Variants in ARHGAP28 observed in about 807,000 individuals in gnomAD.
The protein encoded by ARHGAP28 is Rho GTPase activating protein 28, also known as rho GTPase-activating protein 28.
A neutral mutation model predicts 90.7 loss-of-function variants in ARHGAP28; 56 were observed. That is an observed-to-expected ratio of 0.62 (90% CI 0.50 to 0.77). The LOEUF is 0.77. ARHGAP28 is among the 30% of genes least tolerant of loss of function. The pLI, the probability that ARHGAP28 is intolerant of heterozygous loss-of-function variation, is 0.00. For missense variants in ARHGAP28, 869 were observed against 900.9 expected (o/e 0.96, Z 0.45); for synonymous variants, 308 against 323.3 (o/e 0.95, Z 0.51).
chr18:6,790,733 A>G (rs1431382), intron 1 of ARHGAP28: 38,830 of 152,008 alleles, frequency 0.26, 6,755 homozygotes, highest in African/African-American at 0.49. Flanking sequence ...CAGAGGGGTA[A>G]AGGATGAAAC....
intron 1 of ARHGAP28, among the ~76,000 whole-genome samples, chr18:6,783,947 C>G (rs1451326732): frequency 6.6e-6 from 1 of 152,234 alleles, no homozygotes; most frequent in Non-Finnish European, 1.5e-5. Context: ...GGCTTCCCGT[C>G]TAGGGCTGGT....
At chr18:6,875,610 A>T (rs985159031) in intron 9 of ARHGAP28, among the ~76,000 whole-genome samples, 3 of 152,214 alleles carry the variant, frequency 2.0e-5, no homozygotes, top group Non-Finnish European at 4.4e-5. Context: ...CACATAATCA[A>T]TGCACAATAA....
chr18:6,801,623 G>A (rs1407106876), intron 1 of ARHGAP28, among the ~76,000 whole-genome samples: 2 of 151,650 alleles, frequency 1.3e-5, no homozygotes, highest in East Asian at 3.9e-4. Context: ...TTTTTAATGT[G>A]ACTTTTAAAA....
intron 1 of ARHGAP28, among the ~76,000 whole-genome samples, chr18:6,771,350 A>G (rs2056241353): frequency 6.6e-6 from 1 of 152,082 alleles, no homozygotes; most frequent in Non-Finnish European, 1.5e-5. Context: ...TGGCCTAAAT[A>G]TTTATTTTCA....
intron 1 of ARHGAP28, among the ~76,000 whole-genome samples, chr18:6,761,796 GC>G (rs1399384833): frequency 7.2e-5 from 11 of 152,266 alleles, no homozygotes; most frequent in African/African-American, 2.6e-4. Flanking sequence ...TTTTAGCTTT[GC>G]CATTTTGTAG....
chr18:6,748,263 G>A (rs372835220), intron 1 of ARHGAP28, among the ~76,000 whole-genome samples: 6 of 152,208 alleles, frequency 3.9e-5, no homozygotes, highest in African/African-American at 1.4e-4. Flanking sequence ...TACCTATTCC[G>A]GGAAACTTTT....
intron 1 of ARHGAP28, among the ~76,000 whole-genome samples, chr18:6,805,371 A>C (rs969080285): frequency 6.7e-6 from 1 of 149,392 alleles, no homozygotes; most frequent in Non-Finnish European, 1.5e-5. Context: ...TACAACTTTC[A>C]TTTGATTTGT....
chr18:6,884,833 T>A (rs1396876592), intron 11 of ARHGAP28, among the ~76,000 whole-genome samples: 3 of 152,204 alleles, frequency 2.0e-5, no homozygotes, highest in Admixed American at 1.3e-4. Flanking sequence ...AACCTCTAAT[T>A]CCAGATCTGT....
Position 6,896,523 on chromosome 18 carries a change from A to C in ARHGAP28, c.1927A>C (p.Ile643Leu). Residue 643 changes from isoleucine to leucine, a missense_variant, in exon 16 of 18, where the codon ATA becomes CTA. By Grantham distance (5) the Ile-to-Leu change is conservative. Coordinates refer to ENST00000383472, the MANE Select transcript of ARHGAP28 (RefSeq NM_001366230.1). Reference sequence around the variant, plus strand: ...GCAGTCTGACGTGCCGGAAGGAGTCATACGGGTCCATGCTCCACTTCTCTC... The same window carrying C: ...GCAGTCTGACGTGCCGGAAGGAGTCCTACGGGTCCATGCTCCACTTCTCTC... The part of the protein sequence containing the change: ...RRMSDVPEGV[I>L]RVHAPLLSKV... The C allele has an allele frequency of 1.9e-6, 3 of 1,614,210 alleles. No individual in the cohort carries two copies. The highest frequency in any genetic ancestry group is 2.2e-5 in the South Asian group (2 of 91,076).
chr18:6,784,156 T>C (rs1326750903), intron 1 of ARHGAP28, among the ~76,000 whole-genome samples: 5 of 152,144 alleles, frequency 3.3e-5, no homozygotes. Context: ...ATCCATGCAG[T>C]TGGAGATCCC....
At chr18:6,911,693 C>A (rs2057400472) in intron 17 of ARHGAP28, among the ~76,000 whole-genome samples, 1 of 152,090 alleles carries the variant, frequency 6.6e-6, no homozygotes. Context: ...GCCTCAGCCT[C>A]CCAAAGTGCT....
chr18:6,836,880 T>C (rs2056757637), intron 2 of ARHGAP28, among the ~76,000 whole-genome samples: 1 of 149,780 alleles, frequency 6.7e-6, no homozygotes. Flanking sequence ...TTTTTTCTAT[T>C]ATAGTTTTAC....
chr18:6,778,190 C>T (rs945365771), intron 1 of ARHGAP28, among the ~76,000 whole-genome samples: 2 of 152,172 alleles, frequency 1.3e-5, no homozygotes, highest in African/African-American at 4.8e-5. Context: ...CAACCTTTCT[C>T]TAGGATTTTT....
At chr18:6,872,110 T>C (rs2057094571) in intron 7 of ARHGAP28, among the ~76,000 whole-genome samples, 1 of 152,162 alleles carries the variant, frequency 6.6e-6, no homozygotes, top group Admixed American at 6.5e-5. Context: ...GGACTCTGGT[T>C]TCAGGGGGAG....
chr18:6,830,408 A>G (rs2056706134), intron 2 of ARHGAP28, among the ~76,000 whole-genome samples: 1 of 151,928 alleles, frequency 6.6e-6, no homozygotes, highest in Admixed American at 6.6e-5. Flanking sequence ...TACACGTGCC[A>G]TGGTGTTTTG....
At chr18:6,779,822 C>T (rs1181037047) in intron 1 of ARHGAP28, among the ~76,000 whole-genome samples, 2 of 152,226 alleles carry the variant, frequency 1.3e-5, no homozygotes, top group African/African-American at 2.4e-5. Flanking sequence ...CACTGACCTA[C>T]GTGCATCTTT....
chr18:6,763,636 A>G (rs946514566), intron 1 of ARHGAP28, among the ~76,000 whole-genome samples: 2 of 152,176 alleles, frequency 1.3e-5, no homozygotes, highest in African/African-American at 4.8e-5. Context: ...CACAAAGCCT[A>G]CGTCTGGAAT....
intron 16 of ARHGAP28, among the ~76,000 whole-genome samples, chr18:6,900,999 A>C (rs1212321739): frequency 6.6e-6 from 1 of 152,212 alleles, no homozygotes; most frequent in Non-Finnish European, 1.5e-5. Context: ...TTTGTCAAGT[A>C]CTTAAAGGAA....
chr18:6,859,088 AC>A (rs2056976832), intron 4 of ARHGAP28, among the ~76,000 whole-genome samples: 1 of 105,750 alleles, frequency 9.5e-6, no homozygotes, highest in Non-Finnish European at 2.4e-5. Context: ...AACAACAACA[AC>A]AACAACAAAA....
Sources: gnomAD v4.1 joint callset for allele counts (sites outside exome capture counted in the v4.1 genomes callset) on GRCh38, gnomAD v4.1.1 for gene constraint, MANE v1.5 for transcripts, NCBI Gene and HGNC (gene_info 2026-07-23, HGNC 2026-07-21) for gene names.